Variants in ANKS1B observed in about 807,000 individuals in gnomAD.
ANKS1B encodes the protein ankyrin repeat and sterile alpha motif domain containing 1B.
ANKS1B carries 36 observed loss-of-function variants against 148.3 expected under a neutral mutation model. The observed-to-expected ratio is 0.24, with a 90% confidence interval of 0.19 to 0.32. ANKS1B has a LOEUF of 0.32. Ranked by LOEUF, ANKS1B falls within the 10% of genes least tolerant of loss-of-function variation. The pLI, the probability that ANKS1B is intolerant of heterozygous loss-of-function variation, is 1.00. For synonymous variants in ANKS1B, 542 were observed against 560.8 expected (o/e 0.97, Z 0.47); for missense variants, 1,157 against 1,542.6 (o/e 0.75, Z 4.19).
intron 17 of ANKS1B, among the ~76,000 whole-genome samples, chr12:99,015,231 G>C (rs2099941730): frequency 6.6e-6 from 1 of 152,176 alleles, no homozygotes; most frequent in South Asian, 2.1e-4. Flanking sequence ...GCAGGGACAT[G>C]GATGGAGCTG....
chr12:99,854,690 A>G (rs1450733252), intron 1 of ANKS1B, among the ~76,000 whole-genome samples: 1 of 152,202 alleles, frequency 6.6e-6, no homozygotes, highest in Non-Finnish European at 1.5e-5. Flanking sequence ...TCAGATTAAC[A>G]TAGATTTCTC....
At chr12:99,750,087 A>G (rs534831181) in intron 8 of ANKS1B, among the ~76,000 whole-genome samples, 2 of 152,204 alleles carry the variant, frequency 1.3e-5, no homozygotes, top group African/African-American at 2.4e-5. Context: ...AAAAAGAACA[A>G]GATCTCAAAT....
At chr12:99,214,859 AGGTGGTCTCAGATGGAGAT>A (rs1456448299) in intron 14 of ANKS1B, among the ~76,000 whole-genome samples, 3 of 152,186 alleles carry the variant, frequency 2.0e-5, no homozygotes, top group Non-Finnish European at 2.9e-5. Context: ...GTCCAGGCTG[AGGTGGTCTCAGATGGAGAT>A]GAAGAACTTA....
intron 10 of ANKS1B, among the ~76,000 whole-genome samples, chr12:99,472,268 C>T (rs1050655864): frequency 5.9e-5 from 9 of 152,028 alleles, no homozygotes; most frequent in Non-Finnish European, 8.8e-5. Flanking sequence ...TTTTCTGCAG[C>T]GTCTTCTCTG....
chr12:99,390,442 G>A (rs2094018461), intron 12 of ANKS1B, among the ~76,000 whole-genome samples: 1 of 152,130 alleles, frequency 6.6e-6, no homozygotes, highest in Non-Finnish European at 1.5e-5. Flanking sequence ...CAAATGAGAA[G>A]CCCATCCCAG....
At chr12:99,409,454 C>T (rs945043502) in intron 11 of ANKS1B, among the ~76,000 whole-genome samples, 1 of 151,646 alleles carries the variant, frequency 6.6e-6, no homozygotes, top group African/African-American at 2.4e-5. Context: ...AATATTATGA[C>T]TAGAGTCAGC....
intron 12 of ANKS1B, among the ~76,000 whole-genome samples, chr12:99,272,921 T>C (rs1056157995): frequency 6.6e-6 from 1 of 152,236 alleles, no homozygotes; most frequent in Non-Finnish European, 1.5e-5. Flanking sequence ...GTGCTATTAC[T>C]GACCCTACCA....
chr12:99,647,804 G>A lies in ANKS1B; in HGVS notation c.1272+7263C>T, dbSNP rs1195150540. The stretch of plus-strand genomic sequence containing the variant: ...AAGAGCAGTGGGATTGCCAGTTAAG[G>A]TTGTGGAATCAAAGAGCAAAGGCTG... On this transcript the variant is annotated intron_variant, in intron 9 of 26. Coordinates refer to ENST00000683438, the MANE Select transcript of ANKS1B (RefSeq NM_001352186.2). 1.7e-5 allele frequency: 4 copies of A among 232,162 alleles called. No homozygotes were observed. The Admixed American group carries it at 2.0e-4, about 12-fold the overall frequency. The allele number at this position is 232,162 out of a possible 1,614,324, so 14.4% of individuals were successfully genotyped here.
intron 17 of ANKS1B, among the ~76,000 whole-genome samples, chr12:98,993,401 T>G (rs2153306953): frequency 6.6e-6 from 1 of 152,310 alleles, no homozygotes; most frequent in South Asian, 2.1e-4. Context: ...ATTCCTGGCC[T>G]CAAGTGATCC....
chr12:99,349,496 T>A (rs1365207543), intron 12 of ANKS1B, among the ~76,000 whole-genome samples: 1 of 151,840 alleles, frequency 6.6e-6, no homozygotes, highest in African/African-American at 2.4e-5. Flanking sequence ...AGATATTTCA[T>A]GCAAAGAGTA....
chr12:99,687,523 CCTT>C (rs1253477062), intron 8 of ANKS1B, among the ~76,000 whole-genome samples: 3 of 151,882 alleles, frequency 2.0e-5, no homozygotes, highest in East Asian at 1.9e-4. Context: ...TTTTTTCAAT[CCTT>C]CTTCTTTCTG....
At chr12:98,946,120 G>A (rs2099845143) in intron 17 of ANKS1B, among the ~76,000 whole-genome samples, 1 of 152,204 alleles carries the variant, frequency 6.6e-6, no homozygotes, top group Non-Finnish European at 1.5e-5. Flanking sequence ...GACTGGTTCA[G>A]TTTGGGTTGA....
At chr12:99,563,757 A>C (rs530135027) in intron 9 of ANKS1B, among the ~76,000 whole-genome samples, 1 of 152,296 alleles carries the variant, frequency 6.6e-6, no homozygotes, top group East Asian at 1.9e-4. Flanking sequence ...AAAGACTGTC[A>C]TTACCTATGA....
At chr12:99,788,494 T>C (rs548729220) in intron 4 of ANKS1B, among the ~76,000 whole-genome samples, 20 of 152,278 alleles carry the variant, frequency 1.3e-4, no homozygotes, top group Admixed American at 1.2e-3. Context: ...ATGGGCCTTG[T>C]TGTCTGAGAA....
chr12:99,931,048 T>C (rs2094600462), intron 1 of ANKS1B, among the ~76,000 whole-genome samples: 1 of 152,122 alleles, frequency 6.6e-6, no homozygotes, highest in Admixed American at 6.5e-5. Flanking sequence ...TGTAGGGACA[T>C]GGATGAAACT....
intron 1 of ANKS1B, among the ~76,000 whole-genome samples, chr12:99,939,383 C>A (rs2094861268): frequency 6.6e-6 from 1 of 152,114 alleles, no homozygotes; most frequent in Non-Finnish European, 1.5e-5. Context: ...AGCCACCATG[C>A]CCAGCTAATT....
At chr12:99,071,835 C>T (rs554403114) in intron 16 of ANKS1B, among the ~76,000 whole-genome samples, 4 of 152,000 alleles carry the variant, frequency 2.6e-5, no homozygotes, top group South Asian at 2.1e-4. Flanking sequence ...TTAGTAGAGA[C>T]GGGGTTTCAA....
chr12:99,527,494 G>A (rs983836607), intron 9 of ANKS1B, among the ~76,000 whole-genome samples: 9 of 152,076 alleles, frequency 5.9e-5, no homozygotes, highest in African/African-American at 4.8e-5. Context: ...TTAGTAATCC[G>A]GATTTGTGGC....
chr12:99,681,333 T>C (rs543650376), intron 8 of ANKS1B, among the ~76,000 whole-genome samples: 1 of 152,048 alleles, frequency 6.6e-6, no homozygotes, highest in Non-Finnish European at 1.5e-5. Context: ...TAACCAGAGG[T>C]CCTGAGTCTG....
Sources: gnomAD v4.1 joint callset for allele counts (sites outside exome capture counted in the v4.1 genomes callset) on GRCh38, gnomAD v4.1.1 for gene constraint, MANE v1.5 for transcripts, NCBI Gene and HGNC (gene_info 2026-07-23, HGNC 2026-07-21) for gene names.